Variants in SLCO1B3 observed in about 807,000 individuals in gnomAD.
SLCO1B3 encodes the protein liver-specific organic anion transporter 2.
Under a neutral mutation model 71.8 loss-of-function variants are expected in SLCO1B3, and 72 were observed. The ratio of observed to expected loss-of-function variants is 1.00; its 90% CI spans 0.83 to 1.22. The LOEUF (loss-of-function observed/expected upper bound fraction) is 1.22, where lower values mean the gene tolerates loss of function less well. Among genes scored for constraint, SLCO1B3 ranks in the 50% most tolerant of loss-of-function variants. SLCO1B3 has a pLI of 0.00. For missense variants in SLCO1B3, 911 were observed against 819.7 expected (o/e 1.11, Z -1.36); for synonymous variants, 298 against 278.4 (o/e 1.07, Z -0.70).
intron 3 of SLCO1B3, among the ~76,000 whole-genome samples, chr12:20,833,050 A>G (rs929847467): frequency 1.5e-4 from 23 of 152,178 alleles, no homozygotes; most frequent in Non-Finnish European, 3.4e-4. Context: ...AATTCTAGGG[A>G]CAATACACTT....
At chr12:20,881,497 G>C (rs954918270) in intron 12 of SLCO1B3, among the ~76,000 whole-genome samples, 4 of 152,074 alleles carry the variant, frequency 2.6e-5, no homozygotes, top group Non-Finnish European at 5.9e-5. Context: ...GACTCACTGT[G>C]GCCTTGGACT....
chr12:20,881,101 T>C lies in SLCO1B3; in HGVS notation c.1497+81T>C, dbSNP rs1224141796. On this transcript the variant is annotated intron_variant, in intron 12 of 15. Coordinates refer to ENST00000381545, the MANE Select transcript of SLCO1B3 (RefSeq NM_019844.4). The stretch of plus-strand genomic sequence containing the variant: ...TTAATAAATACTTATCAAATCTTCC[T>C]ATAACTAAGGTCTCCAATAAAAAGA... 3 of 1,018,292 alleles carry C rather than the reference T, an allele frequency of 2.9e-6. No individual in the cohort carries two copies. The South Asian group carries it at 5.3e-5, about 18-fold the overall frequency. The allele number at this position is 1,018,292 out of a possible 1,614,324, so 63.1% of individuals were successfully genotyped here.
chr12:20,911,684 T>C (rs2120453003), intron 15 of SLCO1B3, among the ~76,000 whole-genome samples: 1 of 152,280 alleles, frequency 6.6e-6, no homozygotes, highest in Middle Eastern at 3.4e-3. Context: ...TTTCAAGGAA[T>C]TGGTCCATTT....
chr12:20,820,410 G>C (rs1489212666), intron 3 of SLCO1B3, among the ~76,000 whole-genome samples: 2 of 152,142 alleles, frequency 1.3e-5, no homozygotes, highest in Non-Finnish European at 2.9e-5. Context: ...GGCTTAGGAG[G>C]AATCCTGGGC....
chr12:20,889,003 G>T (rs138670390), intron 13 of SLCO1B3, among the ~76,000 whole-genome samples: 150 of 151,162 alleles, frequency 9.9e-4, no homozygotes, highest in African/African-American at 3.4e-3. Context: ...TTTTTGATTC[G>T]CATATGTTGA....
intron 3 of SLCO1B3, among the ~76,000 whole-genome samples, chr12:20,828,917 T>C (rs77827004): frequency 0.037 from 5,571 of 152,254 alleles, 137 homozygotes; most frequent in East Asian, 0.09. Flanking sequence ...TCCTCTTGGC[T>C]TGGCTAGGAA....
At chr12:20,848,115 A>T (rs190716531) in intron 3 of SLCO1B3, among the ~76,000 whole-genome samples, 9 of 101,412 alleles carry the variant, frequency 8.9e-5, no homozygotes, top group Non-Finnish European at 9.7e-5. Context: ...TGATATTCAA[A>T]ATCTACAAAG....
intron 3 of SLCO1B3, among the ~76,000 whole-genome samples, chr12:20,853,972 T>A (rs1345040539): frequency 6.7e-6 from 1 of 149,736 alleles, no homozygotes; most frequent in African/African-American, 2.5e-5. Flanking sequence ...GACCCATTGG[T>A]TGTGTAAGAA....
chr12:20,872,361 A>G (rs1865491888), intron 8 of SLCO1B3, among the ~76,000 whole-genome samples: 1 of 151,784 alleles, frequency 6.6e-6, no homozygotes, highest in East Asian at 2.0e-4. Flanking sequence ...AGGTCTAGAA[A>G]TGCTTTCCAA....
At chr12:20,836,266 T>C (rs976459635) in intron 3 of SLCO1B3, among the ~76,000 whole-genome samples, 11 of 152,208 alleles carry the variant, frequency 7.2e-5, no homozygotes, top group Admixed American at 6.5e-5. Context: ...ATATCATCTT[T>C]TCAAATTAAG....
At chr12:20,811,646 G>C (rs1052313442) in intron 1 of SLCO1B3, among the ~76,000 whole-genome samples, 15 of 152,122 alleles carry the variant, frequency 9.9e-5, no homozygotes, top group Non-Finnish European at 1.8e-4. Context: ...CAATCAAACT[G>C]TGAAGAACTG....
chr12:20,902,117 C>A, intron 15 of SLCO1B3: 1 of 223,730 alleles, frequency 4.5e-6, no homozygotes, highest in Non-Finnish European at 9.0e-6. Context: ...TAAGTATGAC[C>A]CAAATGCCTG....
intron 3 of SLCO1B3, among the ~76,000 whole-genome samples, chr12:20,843,022 G>A (rs1864835568): frequency 6.6e-6 from 1 of 152,092 alleles, no homozygotes; most frequent in Non-Finnish European, 1.5e-5. Flanking sequence ...CTGGAACTGT[G>A]ACAAGTAAAT....
At chr12:20,887,699 T>A (rs184094538) in intron 13 of SLCO1B3, among the ~76,000 whole-genome samples, 204 of 151,580 alleles carry the variant, frequency 1.3e-3, no homozygotes, top group African/African-American at 3.0e-3. Flanking sequence ...TATTATTATT[T>A]TTTTTTTTAC....
chr12:20,899,691 C>T (rs1210933434), intron 14 of SLCO1B3, among the ~76,000 whole-genome samples: 2 of 152,200 alleles, frequency 1.3e-5, no homozygotes, highest in Non-Finnish European at 2.9e-5. Context: ...CTCCTGGAAT[C>T]TGGGCCACAG....
rs4581506 is a variant in SLCO1B3, at chr12:20,883,057, C to T, written c.1498-361C>T. Among the ~76,000 whole-genome samples, 705 of 152,198 alleles carry T rather than the reference C, an allele frequency of 4.6e-3. 2 individuals carry two copies. The highest frequency in any genetic ancestry group is 0.015 in the African/African-American group (636 of 41,538). On this transcript the variant is annotated intron_variant, in intron 12 of 15. Transcript: ENST00000381545. ...TTTCATGAGTGGCTAAGTTTTGTCC[C>T]GTTTCAAACTATATTTTCTGGATTC...
chr12:20,888,106 C>T (rs995932128), intron 13 of SLCO1B3, among the ~76,000 whole-genome samples: 1 of 151,890 alleles, frequency 6.6e-6, no homozygotes, highest in African/African-American at 2.4e-5. Flanking sequence ...TATACTAGTA[C>T]CCTTTTATTT....
chr12:20,890,980 A>G (rs1277826509), intron 13 of SLCO1B3, among the ~76,000 whole-genome samples: 1 of 152,114 alleles, frequency 6.6e-6, no homozygotes, highest in Non-Finnish European at 1.5e-5. Flanking sequence ...CTGCCAGACT[A>G]TATTTTTTAA....
rs552812421 is a variant in SLCO1B3 at position 20,827,844 on chromosome 12, A to G, written c.84+12022A>G. 1.9e-4 allele frequency among the ~76,000 whole-genome samples: 29 copies of G among 152,306 alleles called. No homozygotes were observed. In the South Asian group the frequency reaches 3.1e-3, roughly 16 times the overall value. ...TGGCCTTCCAAAGTGCTGAGATTACAGGTGTGAGCCACGGTGCACAAGCTC... is the reference window on the plus strand; with the variant it reads ...TGGCCTTCCAAAGTGCTGAGATTACGGGTGTGAGCCACGGTGCACAAGCTC... On this transcript the variant is annotated intron_variant, in intron 3 of 15. Transcript: ENST00000381545.
Sources: gnomAD v4.1 joint callset for allele counts (sites outside exome capture counted in the v4.1 genomes callset) on GRCh38, gnomAD v4.1.1 for gene constraint, MANE v1.5 for transcripts, NCBI Gene and HGNC (gene_info 2026-07-23, HGNC 2026-07-21) for gene names.